Variants in TEX10 observed in about 807,000 individuals in gnomAD.
TEX10 encodes testis-expressed protein 10.
In TEX10, 24 loss-of-function variants were observed where a neutral mutation model predicts 104.4. The observed-to-expected ratio is 0.23, with a 90% CI of 0.17 to 0.32. The LOEUF is 0.32. Among genes scored for constraint, TEX10 ranks in the 10% least tolerant of loss-of-function variants. The pLI is 1.00. For synonymous variants in TEX10, 396 were observed against 393.4 expected, an observed-to-expected ratio of 1.01 and a Z score of -0.08; for missense variants, 921 against 1,083.9, an observed-to-expected ratio of 0.85 and a Z score of 2.11.
chr9:100,327,889 G>T lies in TEX10; in HGVS notation c.1699C>A (p.Pro567Thr). 1 of 1,605,520 alleles carries T rather than the reference G, an allele frequency of 6.2e-7. No individual in the cohort carries two copies. Residue 567 changes from proline to threonine, a missense_variant, in exon 8 of 15, where the codon CCT (proline) becomes ACT (threonine). By Grantham distance (38) the Pro-to-Thr change is conservative (BLOSUM62 -1). Transcript: ENST00000374902. ...LQLAHLGSRN[P>T]ELSTQLIDII... is the part of the protein sequence containing the mutation. ...TCGATAAGCTGTGTAGAGAGCTCAGGATTTCGGGAGCCAAGATGAGCAAGT... is the reference window on the plus strand; with the variant it reads ...TCGATAAGCTGTGTAGAGAGCTCAGTATTTCGGGAGCCAAGATGAGCAAGT...
chr9:100,317,344 T>A (rs1271083192), intron 11 of TEX10, among the ~76,000 whole-genome samples: 2 of 152,116 alleles, frequency 1.3e-5, no homozygotes, highest in Non-Finnish European at 2.9e-5. Context: ...TAACAGCACA[T>A]ATTTATAACC....
chr9:100,318,902 A>ATTT, intron 11 of TEX10, among the ~76,000 whole-genome samples: 1 of 152,318 alleles, frequency 6.6e-6, no homozygotes, highest in South Asian at 2.1e-4. Flanking sequence ...CTTAAAAAGA[A>ATTT]GACACCAGGC....
At chr9:100,328,957 A>G (rs999942442) in intron 7 of TEX10, among the ~76,000 whole-genome samples, 183 bp downstream of exon 7, 1 of 152,190 alleles carries the variant, frequency 6.6e-6, no homozygotes, top group Non-Finnish European at 1.5e-5. Context: ...TATGGGTATA[A>G]AGTTTACTGG....
chr9:100,341,979 C>T (rs542122875), intron 4 of TEX10, among the ~76,000 whole-genome samples: 15 of 152,358 alleles, frequency 9.8e-5, no homozygotes, highest in Admixed American at 2.6e-4. Flanking sequence ...AATCCAAACT[C>T]CTTACCAGGG....
At chr9:100,329,664 G>T (rs1161778388) in intron 6 of TEX10, among the ~76,000 whole-genome samples, 2 of 152,098 alleles carry the variant, frequency 1.3e-5, no homozygotes, top group Non-Finnish European at 2.9e-5. Flanking sequence ...TATCAATCAA[G>T]GGAAAAAGTT....
At chr9:100,328,821 C>G (rs1205232198) in intron 7 of TEX10, among the ~76,000 whole-genome samples, 1 of 152,110 alleles carries the variant, frequency 6.6e-6, no homozygotes, top group Non-Finnish European at 1.5e-5. Flanking sequence ...TCACTAATGG[C>G]TAGAGATTCA....
Position 100,349,385 on chromosome 9 carries a change from G to A in TEX10, c.-9-13C>T, listed in dbSNP as rs370928731. On this transcript the variant is annotated splice_polypyrimidine_tract_variant and intron_variant, in intron 1 of 14. Coordinates refer to ENST00000374902, the MANE Select transcript of TEX10 (RefSeq NM_017746.4). ...TCATTCTCGACTACTATAATGAAAA[G>A]AATTAATTAAAAGCAATGGATAGAG... 1.8e-5 allele frequency: 27 copies of A among 1,516,264 alleles called. No homozygotes were observed. The highest frequency in any genetic ancestry group is 2.0e-5 in the Non-Finnish European group (23 of 1,133,704). The allele number at this position is 1,516,264 out of a possible 1,614,324, so 93.9% of individuals were successfully genotyped here.
At chr9:100,342,029 T>G (rs1449316860) in intron 4 of TEX10, among the ~76,000 whole-genome samples, 1 of 152,192 alleles carries the variant, frequency 6.6e-6, no homozygotes, top group Non-Finnish European at 1.5e-5. Flanking sequence ...ATCACTCTTC[T>G]TCGCCCCCAT....
At chr9:100,347,509 G>C (rs753442165) in intron 2 of TEX10, 103 bp from the exon 3 acceptor site, 10 of 826,002 alleles carry the variant, frequency 1.2e-5, no homozygotes, top group Non-Finnish European at 1.6e-5. Flanking sequence ...CACTCCTTGG[G>C]GAAACTGCTT....
rs755957508 is a variant in TEX10, at chr9:100,346,151, A to G, written c.1058T>C (p.Leu353Pro). 1 of 1,614,062 alleles carries G rather than the reference A, an allele frequency of 6.2e-7. No homozygotes were observed. Among genetic ancestry groups the G allele is most frequent in the South Asian group, 1.1e-5 (1 of 91,080 alleles). Reference sequence around the variant, plus strand: ...ATTAAGAACTTGCTGCATAACCTGTAGAGGTTCTCGTTCTATACCATTCCC... The same window carrying G: ...ATTAAGAACTTGCTGCATAACCTGTGGAGGTTCTCGTTCTATACCATTCCC... ...PVGNGIEREP[L>P]QVMQQVLNII... The change falls in exon 4 of 15, where the codon CTA (leucine) becomes CCA (proline). Residue 353 changes from leucine (L) to proline (P), a missense_variant. This residue lies in a region of TEX10 where 753 missense variants were observed against 868.4 expected (regional missense o/e 0.87). Transcript: ENST00000374902.
intron 5 of TEX10, among the ~76,000 whole-genome samples, chr9:100,339,136 C>G (rs1482273460): frequency 6.8e-6 from 1 of 147,306 alleles, no homozygotes; most frequent in African/African-American, 2.5e-5. Flanking sequence ...CACTTGTAAT[C>G]CCAGCTACTT....
At position 100,302,439 on chromosome 9, in the gene TEX10, CT is replaced by C. The variant is rs1433894900; in HGVS notation, c.2677-136del. The C allele has an allele frequency of 3.9e-5, 22 of 564,552 alleles. No homozygotes were observed. The Admixed American group carries it at 5.7e-4, about 15-fold the overall frequency. 35.0% of individuals were successfully genotyped at this position (564,552 alleles called of 1,614,324 possible). On this transcript the variant is annotated intron_variant, in intron 14 of 14. Coordinates refer to ENST00000374902, the MANE Select transcript of TEX10 (RefSeq NM_017746.4). ...CCATCTGTAAATTACCATAGGAAGT[CT>C]TCCAGGAAACAGGGAACTATTAATT... is the stretch of plus-strand genomic sequence containing the variant.
At chr9:100,350,662 G>A (rs931734276) in intron 1 of TEX10, among the ~76,000 whole-genome samples, 2 of 152,076 alleles carry the variant, frequency 1.3e-5, no homozygotes, top group East Asian at 1.9e-4. Context: ...GCCATAAAAA[G>A]TGACAATGCT....
At chr9:100,349,587 G>A (rs1187400459) in intron 1 of TEX10, among the ~76,000 whole-genome samples, 7 of 152,096 alleles carry the variant, frequency 4.6e-5, no homozygotes, top group Non-Finnish European at 8.8e-5. Flanking sequence ...GTCTTGCCAC[G>A]GTTTTGCAAA....
chr9:100,330,975 G>A, intron 5 of TEX10, among the ~76,000 whole-genome samples: 1 of 152,152 alleles, frequency 6.6e-6, no homozygotes, highest in East Asian at 1.9e-4. Context: ...TAAAATTAAA[G>A]CCAGGCATGG....
rs763636077 is a variant in TEX10 at position 100,326,495 on chromosome 9, G to A, written c.1802-16C>T. ...TCTTGTGGATCTAGTGAGGTGGATA[G>A]ACATATTAAAAACAACTATAAAAGA... On this transcript the variant is annotated splice_polypyrimidine_tract_variant and intron_variant, in intron 8 of 14. Coordinates refer to ENST00000374902, the MANE Select transcript of TEX10 (RefSeq NM_017746.4). The A allele has an allele frequency of 6.3e-7, 1 of 1,594,566 alleles. No individual in the cohort carries two copies. The highest frequency in any genetic ancestry group is 8.5e-7 in the Non-Finnish European group (1 of 1,170,892).
chr9:100,327,670 G>T (rs544352390), intron 8 of TEX10, 117 bp downstream of exon 8: 2 of 616,208 alleles, frequency 3.2e-6, no homozygotes, highest in South Asian at 5.6e-5. Context: ...ATTTAACCAT[G>T]GTATTACTAA....
In TEX10 at chr9:100,320,358, T is replaced by C. The variant is rs557947404; in HGVS notation, c.2109A>G (p.Arg703=). ...GTGTCTGGATGACATGAGGAACTCC[T>C]CGAAGGCTCTGAAGCCAAGTCAACT... is the stretch of plus-strand genomic sequence containing the variant. ...KEELTWLQSL[R]GVPHVIQTQL... The change falls in exon 11 of 15, where the codon CGA becomes CGG. Residue 703 remains arginine, a synonymous_variant. Coordinates refer to ENST00000374902, the MANE Select transcript of TEX10 (RefSeq NM_017746.4). 1 of 1,612,752 alleles carries C rather than the reference T, an allele frequency of 6.2e-7. No individual in the cohort carries two copies. Among genetic ancestry groups the C allele is most frequent in the Non-Finnish European group, 8.5e-7 (1 of 1,179,194 alleles).
intron 13 of TEX10, chr9:100,305,192 CTTCT>C (rs2118821906): frequency 6.6e-6 from 1 of 152,308 alleles, no homozygotes; most frequent in Admixed American, 6.5e-5. Context: ...CTTTTTGCAG[CTTCT>C]TTACCAGGAG....
Sources: allele counts gnomAD v4.1 joint callset (sites outside exome capture counted in the v4.1 genomes callset), GRCh38; gene constraint gnomAD v4.1.1; regional missense constraint gnomAD v4.1.1; transcripts MANE v1.5; gene names NCBI Gene and HGNC (gene_info 2026-07-23, HGNC 2026-07-21).